The following ABCC5 variants were observed in gnomAD, a reference collection of about 807,000 sequenced individuals.
ABCC5 encodes ATP-binding cassette sub-family C member 5.
A neutral mutation model predicts 160.9 loss-of-function variants in ABCC5; 61 were observed. The observed-to-expected ratio is 0.38, with a 90% CI of 0.31 to 0.47. The LOEUF is 0.47. ABCC5 is among the 20% of genes least tolerant of loss of function. ABCC5 has a pLI of 0.99. For missense variants in ABCC5, 1,308 were observed against 1,813.3 expected (o/e 0.72, Z 5.06); for synonymous variants, 666 against 700.6 (o/e 0.95, Z 0.78).
chr3:183,951,663 C>T lies in ABCC5; in HGVS notation c.2815-93G>A, dbSNP rs1481677570. On this transcript the variant is annotated intron_variant, in intron 19 of 29. Coordinates refer to ENST00000334444, the MANE Select transcript of ABCC5 (RefSeq NM_005688.4). This position sits in a 1 kb window ranked among gnomAD's most constrained non-coding sequence, Gnocchi z 4.7. Reference sequence around the variant, plus strand: ...CTCCGCAGCACATCCACTCCCAAAGCGGGGAGGTGTGAGGGGTCAGGAGGG... The same window carrying T: ...CTCCGCAGCACATCCACTCCCAAAGTGGGGAGGTGTGAGGGGTCAGGAGGG... 2.7e-5 allele frequency: 41 copies of T among 1,543,740 alleles called. No homozygotes were observed. Among genetic ancestry groups the T allele is most frequent in the Middle Eastern group, 2.2e-4 (1 of 4,554 alleles).
intron 22 of ABCC5, among the ~76,000 whole-genome samples, chr3:183,948,668 T>A (rs1193152047): frequency 6.6e-6 from 1 of 151,154 alleles, no homozygotes; most frequent in Non-Finnish European, 1.5e-5. Flanking sequence ...ACTAACAGGT[T>A]TTTTTTTTAA....
rs557014500 is a variant in ABCC5, at chr3:183,947,327, G to A, written c.3411C>T (p.Val1137=). The A allele has an allele frequency of 1.2e-6, 2 of 1,605,140 alleles. No individual in the cohort carries two copies. Among genetic ancestry groups the A allele is most frequent in the East Asian group, 2.2e-5 (1 of 44,636 alleles). ...CGCTCCTATCCCAGAGACTGACCTG[G>A]ACAGCATAAGAGATGGCGAGACCCG... ...AYAGLAISYA[V]QLTGLFQFTV... is the part of the protein sequence containing the mutation. The change falls in exon 23 of 30, where the codon GTC becomes GTT. Residue 1137 remains valine (V), a synonymous_variant. Coordinates refer to ENST00000334444, the MANE Select transcript of ABCC5 (RefSeq NM_005688.4).
At position 183,988,565 on chromosome 3, in the gene ABCC5, C is replaced by A. The variant is rs762838755; in HGVS notation, c.443+7G>T. Reference sequence around the variant, plus strand: ...GGGGGAGATGAGGGTGGACCAGAGGCGCCTACCTTCTGCAGTTCACGTCAG... The same window carrying A: ...GGGGGAGATGAGGGTGGACCAGAGGAGCCTACCTTCTGCAGTTCACGTCAG... On this transcript the variant is annotated splice_region_variant and intron_variant, in intron 4 of 29. Coordinates refer to ENST00000334444, the MANE Select transcript of ABCC5 (RefSeq NM_005688.4). This position sits in a 1 kb window ranked among gnomAD's most constrained non-coding sequence, Gnocchi z 4.4. The A allele has an allele frequency of 6.2e-7, 1 of 1,610,022 alleles. No homozygotes were observed. The highest frequency in any genetic ancestry group is 1.7e-5 in the Admixed American group (1 of 59,194).
chr3:183,933,814 T>C (rs1713413080), intron 26 of ABCC5, among the ~76,000 whole-genome samples: 1 of 152,214 alleles, frequency 6.6e-6, no homozygotes, highest in African/African-American at 2.4e-5. Flanking sequence ...TTACCTTGCT[T>C]TTCCTCTAAG....
At chr3:183,968,166 T>C (rs1009144052) in intron 11 of ABCC5, among the ~76,000 whole-genome samples, 44 of 152,178 alleles carry the variant, frequency 2.9e-4, no homozygotes, top group African/African-American at 1.1e-3. Context: ...TCTTGCTCTG[T>C]CAACCAGGCT....
At chr3:183,962,358 G>A (rs1486422598) in intron 15 of ABCC5, among the ~76,000 whole-genome samples, 5 of 146,736 alleles carry the variant, frequency 3.4e-5, no homozygotes, top group Non-Finnish European at 6.1e-5. Context: ...TGAACCGTAA[G>A]CCAGCGACTG....
At chr3:183,989,478 C>T (rs1293605972) in intron 2 of ABCC5, 95 bp from the exon 3 acceptor site, 10 of 1,292,714 alleles carry the variant, frequency 7.7e-6, no homozygotes, top group Non-Finnish European at 1.1e-5. Context: ...GCAAACTGGA[C>T]TCATCTTAAC....
chr3:184,009,243 T>C (rs895378779), intron 2 of ABCC5, among the ~76,000 whole-genome samples: 6 of 152,206 alleles, frequency 3.9e-5, no homozygotes, highest in Admixed American at 6.5e-5. Context: ...ATAAGAGCCA[T>C]AGATGTATCC....
rs201667859 is a variant in ABCC5, at chr3:183,988,586, G to A, written c.429C>T (p.Asp143=). The A allele has an allele frequency of 1.6e-5, 26 of 1,613,762 alleles. No homozygotes were observed. The highest frequency in any genetic ancestry group is 1.0e-4 in the Admixed American group (6 of 59,914). ...GAGGCGCCTACCTTCTGCAGTTCAC[G>A]TCAGAAGACTCGTGCTTGGACAGAG... ...VWSLSKHESS[D]VNCRRLERLW... The change falls in exon 4 of 30, where the codon GAC becomes GAT. Residue 143 remains aspartate (D), a synonymous_variant. Coordinates refer to ENST00000334444, the MANE Select transcript of ABCC5 (RefSeq NM_005688.4). The surrounding 1 kb of genome is among the most constrained non-coding windows in gnomAD (Gnocchi z 4.4).
Position 183,949,912 on chromosome 3 carries a change from ACCTAC to A in ABCC5, c.3099-36_3099-32del. The A allele has an allele frequency of 1.2e-6, 2 of 1,614,012 alleles. No individual in the cohort carries two copies. The highest frequency in any genetic ancestry group is 1.7e-6 in the Non-Finnish European group (2 of 1,179,948). ...GAGAGAATGAGCTCCGTGTCACAGC[ACCTAC>A]CCAGCAACTGAGGCTTCTCCGTGGC... On this transcript the variant is annotated intron_variant, in intron 21 of 29. Coordinates refer to ENST00000334444, the MANE Select transcript of ABCC5 (RefSeq NM_005688.4). The surrounding 1 kb of genome is among the most constrained non-coding windows in gnomAD (Gnocchi z 4.2).
intron 17 of ABCC5, among the ~76,000 whole-genome samples, chr3:183,955,603 C>T (rs79579042): frequency 1.3e-5 from 2 of 152,360 alleles, no homozygotes; most frequent in Non-Finnish European, 2.9e-5. Context: ...ATTTTAGATT[C>T]AGGGAGTACA....
intron 17 of ABCC5, among the ~76,000 whole-genome samples, chr3:183,955,073 C>A (rs1298100316): frequency 1.3e-5 from 2 of 152,056 alleles, no homozygotes; most frequent in East Asian, 3.9e-4. Flanking sequence ...AGGTTCTTGT[C>A]ATGTAGATGA....
intron 25 of ABCC5, among the ~76,000 whole-genome samples, chr3:183,940,346 A>G (rs567333180): frequency 1.7e-4 from 25 of 147,022 alleles, no homozygotes; most frequent in African/African-American, 6.0e-4. Context: ...AAAAAATACA[A>G]AAAAAAAAAA....
At chr3:183,952,433 C>T (rs1715460807) in intron 18 of ABCC5, among the ~76,000 whole-genome samples, 1 of 152,164 alleles carries the variant, frequency 6.6e-6, no homozygotes, top group African/African-American at 2.4e-5. Context: ...AGGCATGATC[C>T]ACCACACCTA....
chr3:183,947,386 C>A lies in ABCC5; in HGVS notation c.3352G>T (p.Val1118Phe). 6.2e-7 allele frequency: 1 copy of A among 1,613,654 alleles called. No individual in the cohort carries two copies. The highest frequency in any genetic ancestry group is 8.5e-7 in the Non-Finnish European group (1 of 1,179,800). ...ALITTTGLMI[V>F]LMHGQIPPAY... ...GGGGGAATCTGCCCGTGCATAAGAA[C>A]GATCATCAGCCCCGTGGTGGTGATG... Residue 1118 changes from valine (V) to phenylalanine (F), a missense_variant, in exon 23 of 30, where the codon GTT becomes TTT. Transcript: ENST00000334444.
chr3:183,947,289 C>G (rs1186840597), intron 23 of ABCC5, 35 bp downstream of exon 23: 1 of 1,545,978 alleles, frequency 6.5e-7, no homozygotes. Context: ...AGGGCTCAAA[C>G]AAGCAAAGAT....
At chr3:183,978,448 C>T in intron 9 of ABCC5, 55 bp downstream of exon 9, 1 of 1,581,430 alleles carries the variant, frequency 6.3e-7, no homozygotes, top group Non-Finnish European at 8.6e-7. Context: ...CCTGCCTCAG[C>T]CTCCAGCAAA....
intron 26 of ABCC5, among the ~76,000 whole-genome samples, chr3:183,930,163 C>G (rs1713037920): frequency 6.6e-6 from 1 of 152,254 alleles, no homozygotes; most frequent in Non-Finnish European, 1.5e-5. Context: ...GACTTTTACT[C>G]TATGCCACAC....
At chr3:184,007,758 C>T (rs746197537) in intron 2 of ABCC5, among the ~76,000 whole-genome samples, 2 of 152,006 alleles carry the variant, frequency 1.3e-5, no homozygotes, top group Non-Finnish European at 2.9e-5. Flanking sequence ...ACTTGGGAGG[C>T]GGAGGTTGCA....
Sources: allele counts gnomAD v4.1 joint callset (sites outside exome capture counted in the v4.1 genomes callset), GRCh38; gene constraint gnomAD v4.1.1; non-coding constraint Gnocchi (gnomAD v3.1); transcripts MANE v1.5; gene names NCBI Gene and HGNC (gene_info 2026-07-23, HGNC 2026-07-21).